PLAU: variants seen among roughly 807,000 people sequenced by gnomAD.
The protein encoded by PLAU is urokinase-type plasminogen activator.
Under a neutral mutation model 48.9 loss-of-function variants are expected in PLAU, and 32 were observed. The observed-to-expected ratio is 0.65, with a 90% CI of 0.49 to 0.88. The LOEUF is 0.88. Among genes scored for constraint, PLAU ranks in the 40% least tolerant of loss-of-function variants. PLAU has a pLI of 0.00. For missense variants in PLAU, 455 were observed against 545.2 expected, an observed-to-expected ratio of 0.83 and a Z score of 1.65; for synonymous variants, 199 against 205.7, an observed-to-expected ratio of 0.97 and a Z score of 0.28.
In PLAU at chr10:73,912,967, A is replaced by G. The variant is rs1298827490; in HGVS notation, c.237A>G (p.Arg79=). Residue 79 remains arginine (R), a synonymous_variant, in exon 5 of 11, where the codon CGA becomes CGG. Coordinates refer to ENST00000372764, the MANE Select transcript of PLAU (RefSeq NM_002658.6). ...TCYEGNGHFY[R]GKASTDTMGR... is the part of the protein sequence containing the mutation. ...ATGAGGGGAATGGTCACTTTTACCG[A>G]GGAAAGGCCAGCACTGACACCATGG... The G allele has an allele frequency of 6.2e-7, 1 of 1,614,026 alleles. No homozygotes were observed. Among genetic ancestry groups the G allele is most frequent in the Admixed American group, 1.7e-5 (1 of 59,974 alleles).
chr10:73,914,772 C>A lies in PLAU; in HGVS notation c.830-4C>A. The A allele has an allele frequency of 6.2e-7, 1 of 1,613,156 alleles. No homozygotes were observed. The highest frequency in any genetic ancestry group is 1.1e-5 in the South Asian group (1 of 90,950). On this transcript the variant is annotated splice_region_variant and splice_polypyrimidine_tract_variant and intron_variant, in intron 8 of 10. Coordinates refer to ENST00000372764, the MANE Select transcript of PLAU (RefSeq NM_002658.6). ...TTCTCCTCTGACCCTCTGTCCTCCC[C>A]CAGCCTTGCTGAAGATCCGTTCCAA...
At position 73,914,714 on chromosome 10, in the gene PLAU, G is replaced by GA. The variant is rs929686130; in HGVS notation, c.830-61dup. ...AGCTACTTCCTCGGCACTTGGAGGG[G>GA]ACAGATGGGGACCGCCTAACCAGTA... On this transcript the variant is annotated intron_variant, in intron 8 of 10. Coordinates refer to ENST00000372764, the MANE Select transcript of PLAU (RefSeq NM_002658.6). 12 of 1,529,240 alleles carry GA rather than the reference G, an allele frequency of 7.8e-6. No individual in the cohort carries two copies. In the African/African-American group the frequency reaches 1.6e-4, roughly 21 times the overall value. The allele number at this position is 1,529,240 out of a possible 1,614,324, so 94.7% of individuals were successfully genotyped here.
rs1477281164 is a variant in PLAU at position 73,911,525 on chromosome 10, A to G, written c.-31A>G. On this transcript the variant is annotated splice_region_variant and 5_prime_UTR_variant, in exon 2 of 11. Coordinates refer to ENST00000372764, the MANE Select transcript of PLAU (RefSeq NM_002658.6). ...GCCCTGACTTCTCCTTCCTTTGCAG[A>G]GCCGCCGTCTAGCGCCCCGACCTCG... is the stretch of plus-strand genomic sequence containing the variant. 1.2e-6 allele frequency: 2 copies of G among 1,607,520 alleles called. No homozygotes were observed. Among genetic ancestry groups the G allele is most frequent in the South Asian group, 2.2e-5 (2 of 90,468 alleles).
intron 8 of PLAU, 64 bp from the exon 9 acceptor site, chr10:73,914,712 G>C: frequency 6.6e-7 from 1 of 1,508,368 alleles, no homozygotes; most frequent in Non-Finnish European, 9.0e-7. Flanking sequence ...GCACTTGGAG[G>C]GGACAGATGG....
rs1002948069 is a variant in PLAU, at chr10:73,916,707, G to A, written c.*142G>A. On this transcript the variant is annotated 3_prime_UTR_variant, in exon 11 of 11. Transcript: ENST00000372764. ...ATTTGCCTGTGCCACCCACCAGGGC[G>A]AACGACAATAGCTTTACCCTCAGGC... 1.5e-6 allele frequency: 1 copy of A among 676,746 alleles called. No individual in the cohort carries two copies. Among genetic ancestry groups the A allele is most frequent in the African/African-American group, 1.8e-5 (1 of 55,484 alleles). 41.9% of individuals were successfully genotyped at this position (676,746 alleles called of 1,614,324 possible). A position where few individuals can be genotyped will look rare whatever the true frequency, so the allele number is the denominator to read the frequency against.
rs1382348520 is a variant in PLAU, at chr10:73,914,858, T to A, written c.912T>A (p.Tyr304Ter). 1.2e-6 allele frequency: 2 copies of A among 1,614,202 alleles called. No individual in the cohort carries two copies. The highest frequency in any genetic ancestry group is 2.2e-5 in the South Asian group (2 of 91,086). ...AGACCATCTGCCTGCCCTCGATGTA[T>A]AACGATCCCCAGTTTGGCACAAGCT... is the stretch of plus-strand genomic sequence containing the variant. ...TIQTICLPSM[Y>*]NDPQFGTSCE... Residue 304 changes from tyrosine to a stop codon, truncating the protein, a stop_gained, in exon 9 of 11, where the codon TAT becomes TAA. Transcript: ENST00000372764. LOFTEE classifies it high-confidence loss of function.
rs755703595 is a variant in PLAU, at chr10:73,913,375, G to A, written c.454G>A (p.Ala152Thr). 9.9e-6 allele frequency: 16 copies of A among 1,613,508 alleles called. No individual in the cohort carries two copies. Among genetic ancestry groups the A allele is most frequent in the African/African-American group, 4.0e-5 (3 of 75,014 alleles). ...CCAAGAGTGCATGGTGCATGACTGCGCAGATGGTGAGCATCACTGACCTGC... is the reference window on the plus strand; with the variant it reads ...CCAAGAGTGCATGGTGCATGACTGCACAGATGGTGAGCATCACTGACCTGC... ...LVQECMVHDCADGKKPSSPPE... is the reference protein window; with the variant it reads ...LVQECMVHDCTDGKKPSSPPE... The change falls in exon 6 of 11, where the codon GCA becomes ACA. Residue 152 changes from alanine (A) to threonine (T), a missense_variant. Ala to Thr is a moderately conservative substitution (Grantham distance 58). Coordinates refer to ENST00000372764, the MANE Select transcript of PLAU (RefSeq NM_002658.6).
intron 8 of PLAU, 39 bp from the exon 9 acceptor site, chr10:73,914,737 G>A: frequency 3.7e-6 from 6 of 1,601,918 alleles, no homozygotes; most frequent in Non-Finnish European, 5.1e-6. Context: ...CGCCTAACCA[G>A]TAGTGATCTT....
At position 73,911,350 on chromosome 10, in the gene PLAU, G is replaced by C. The variant is rs556245855; in HGVS notation, c.-32+132G>C. On this transcript the variant is annotated intron_variant, in intron 1 of 10. Coordinates refer to ENST00000372764, the MANE Select transcript of PLAU (RefSeq NM_002658.6). Reference sequence around the variant, plus strand: ...CGGCTGCACGGAGTCAAGGCGCCCCGTCCCGGGCGTCCCCCGCGGGTGCCG... The same window carrying C: ...CGGCTGCACGGAGTCAAGGCGCCCCCTCCCGGGCGTCCCCCGCGGGTGCCG... 2.3e-4 allele frequency: 161 copies of C among 709,122 alleles called. No individual in the cohort carries two copies. The Middle Eastern group carries it at 3.9e-3, about 17-fold the overall frequency. 43.9% of individuals were successfully genotyped at this position (709,122 alleles called of 1,614,324 possible).
chr10:73,913,729 C>T lies in PLAU; in HGVS notation c.651C>T (p.Cys217=). Residue 217 remains cysteine (C), a synonymous_variant, in exon 7 of 11, where the codon TGC becomes TGT. Transcript: ENST00000372764. ...YVCGGSLISP[C]WVISATHCFI... ...GTGGAGGCAGCCTCATCAGCCCTTG[C>T]TGGGTGATCAGCGCCACACACTGCT... 6.2e-7 allele frequency: 1 copy of T among 1,608,996 alleles called. No individual in the cohort carries two copies. Among genetic ancestry groups the T allele is most frequent in the Non-Finnish European group, 8.5e-7 (1 of 1,177,432 alleles).
intron 4 of PLAU, 21 bp downstream of exon 4, chr10:73,912,343 A>C: frequency 8.1e-7 from 1 of 1,237,830 alleles, no homozygotes; most frequent in Non-Finnish European, 1.1e-6. Flanking sequence ...CTCCACTGCA[A>C]CTGGGAGAGA....
chr10:73,911,908 G>T (rs758106450), intron 2 of PLAU, 133 bp from the exon 3 acceptor site: 1 of 1,584,448 alleles, frequency 6.3e-7, no homozygotes, highest in Non-Finnish European at 8.6e-7. Flanking sequence ...TTCCATTTGA[G>T]AACTAGATAC....
rs1231073436 is a variant in PLAU, at chr10:73,911,560, G to A, written c.5G>A (p.Arg2Lys). 1 of 1,612,724 alleles carries A rather than the reference G, an allele frequency of 6.2e-7. No individual in the cohort carries two copies. Among genetic ancestry groups the A allele is most frequent in the Non-Finnish European group, 8.5e-7 (1 of 1,180,006 alleles). Residue 2 changes from arginine (R) to lysine (K), a missense_variant, in exon 2 of 11, where the codon AGA becomes AAA. Physicochemically the swap from Arg to Lys is conservative, Grantham distance 26. Coordinates refer to ENST00000372764, the MANE Select transcript of PLAU (RefSeq NM_002658.6). ...TAGCGCCCCGACCTCGCCACCATGAGAGCCCTGCTGGCGCGCCTGCTTCTC... is the reference window on the plus strand; with the variant it reads ...TAGCGCCCCGACCTCGCCACCATGAAAGCCCTGCTGGCGCGCCTGCTTCTC... Reference protein sequence around the residue: MRALLARLLLCV... With the variant: MKALLARLLLCV...
Position 73,912,311 on chromosome 10 carries a change from A to G in PLAU, c.182A>G (p.His61Arg). 6.3e-7 allele frequency: 1 copy of G among 1,586,556 alleles called. No homozygotes were observed. Among genetic ancestry groups the G allele is most frequent in the South Asian group, 1.1e-5 (1 of 90,760 alleles). The stretch of plus-strand genomic sequence containing the variant: ...TGCCCAAAGAAATTCGGAGGGCAGC[A>G]CTGTGAAATAGGTATGGGGATCTCC... ...CNCPKKFGGQ[H>R]CEIDKSKTCY... Residue 61 changes from histidine to arginine, a missense_variant, in exon 4 of 11, where the codon CAC becomes CGC. Coordinates refer to ENST00000372764, the MANE Select transcript of PLAU (RefSeq NM_002658.6).
chr10:73,913,799 C>A (rs780600442), intron 7 of PLAU, 41 bp downstream of exon 7: 1 of 1,488,882 alleles, frequency 6.7e-7, no homozygotes, highest in South Asian at 1.2e-5. Flanking sequence ...TTCTGCCCCA[C>A]CCCAAGCACA....
Position 73,913,012 on chromosome 10 carries a change from G to T in PLAU, c.282G>T (p.Trp94Cys). ...CCATGGGCCGGCCCTGCCTGCCCTG[G>T]AACTCTGCCACTGTCCTTCAGCAAA... ...TDTMGRPCLP[W>C]NSATVLQQTY... Residue 94 changes from tryptophan (W) to cysteine (C), a missense_variant, in exon 5 of 11, where the codon TGG (tryptophan) becomes TGT (cysteine). Physicochemically the swap from Trp to Cys is radical, Grantham distance 215 (BLOSUM62 -2). Coordinates refer to ENST00000372764, the MANE Select transcript of PLAU (RefSeq NM_002658.6). The T allele has an allele frequency of 1.2e-6, 2 of 1,614,168 alleles. No homozygotes were observed. The highest frequency in any genetic ancestry group is 1.3e-5 in the African/African-American group (1 of 75,036).
upstream of PLAU, chr10:73,910,506 C>T (rs1035779802): frequency 2.6e-5 from 4 of 152,264 alleles, no homozygotes; most frequent in Admixed American, 2.6e-4. Context: ...TGCCTTTCCC[C>T]CTCTGATAGC....
At chr10:73,913,150 C>A (rs992201458) in intron 5 of PLAU, 52 bp downstream of exon 5, 1 of 1,592,192 alleles carries the variant, frequency 6.3e-7, no homozygotes, top group Admixed American at 1.7e-5. Context: ...TTCCCAGAAA[C>A]CTTGTTACCA....
chr10:73,911,173 A>T lies in PLAU; in HGVS notation c.-77A>T. 3.7e-6 allele frequency: 1 copy of T among 272,548 alleles called. No individual in the cohort carries two copies. Among genetic ancestry groups the T allele is most frequent in the Non-Finnish European group, 6.9e-6 (1 of 145,892 alleles). 16.9% of individuals were successfully genotyped at this position (272,548 alleles called of 1,614,324 possible). A position where few individuals can be genotyped will look rare whatever the true frequency, so the allele number is the denominator to read the frequency against. On this transcript the variant is annotated 5_prime_UTR_variant, in exon 1 of 11. Coordinates refer to ENST00000372764, the MANE Select transcript of PLAU (RefSeq NM_002658.6). ...AGCCCCGGAGCCCGGGCCAGGGTCC[A>T]CCTGTCCCCGCAGCGCCGGCTCGCG...
Sources: gnomAD v4.1 joint callset for allele counts on GRCh38, gnomAD v4.1.1 for gene constraint, MANE v1.5 for transcripts, NCBI Gene and HGNC (gene_info 2026-07-23, HGNC 2026-07-21) for gene names.